Variants in TRPM3 observed in about 807,000 individuals in gnomAD.
TRPM3 encodes long transient receptor potential channel 3.
Under a neutral mutation model 181.2 loss-of-function variants are expected in TRPM3, and 77 were observed. That is an observed-to-expected ratio of 0.42 (90% CI 0.35 to 0.51). The LOEUF (loss-of-function observed/expected upper bound fraction) is 0.51, where lower values mean the gene tolerates loss of function less well. Among genes scored for constraint, TRPM3 ranks in the 20% least tolerant of loss-of-function variants. The probability of loss-of-function intolerance (pLI) is 0.01; values close to 1 mark genes in which losing one functional copy is unlikely to be tolerated. For missense variants in TRPM3, 1,759 were observed against 2,196.7 expected (o/e 0.80, Z 3.98); for synonymous variants, 745 against 796.4 (o/e 0.94, Z 1.09).
chr9:70,610,777 A>C (rs1306502826), intron 18 of TRPM3, 28 bp from the exon 19 acceptor site: 1 of 1,613,218 alleles, frequency 6.2e-7, no homozygotes, highest in East Asian at 2.2e-5. Context: ...CGATACCATC[A>C]TGACAGGGCT....
chr9:70,841,978 A>T (rs1482869567), intron 5 of TRPM3, among the ~76,000 whole-genome samples: 6 of 151,958 alleles, frequency 3.9e-5, no homozygotes, highest in Admixed American at 3.9e-4. Context: ...TACGATGTTC[A>T]CTATTCAGGT....
At chr9:70,584,776 C>T (rs2056757346) in intron 22 of TRPM3, among the ~76,000 whole-genome samples, 1 of 152,196 alleles carries the variant, frequency 6.6e-6, no homozygotes, top group South Asian at 2.1e-4. Flanking sequence ...TCATCTTACA[C>T]CTCACAATGT....
chr9:71,330,320 T>G (rs2090019853), intron 1 of TRPM3, among the ~76,000 whole-genome samples: 1 of 151,916 alleles, frequency 6.6e-6, no homozygotes, highest in Non-Finnish European at 1.5e-5. Flanking sequence ...CAAAAAGTTT[T>G]CAGTTCTGTG....
At chr9:70,974,658 G>A (rs1171453531) in intron 1 of TRPM3, among the ~76,000 whole-genome samples, 1 of 151,470 alleles carries the variant, frequency 6.6e-6, no homozygotes, top group African/African-American at 2.4e-5. Context: ...GAACCCAGGA[G>A]GCGGGGTTTG....
intron 1 of TRPM3, among the ~76,000 whole-genome samples, chr9:70,912,447 C>T (rs2096547921): frequency 6.6e-6 from 1 of 152,198 alleles, no homozygotes; most frequent in South Asian, 2.1e-4. Context: ...TTCTGAGTAG[C>T]TGCCTCATGG....
At chr9:70,827,692 GC>G in intron 6 of TRPM3, 154 bp downstream of exon 6, 1 of 832,192 alleles carries the variant, frequency 1.2e-6, no homozygotes, top group Non-Finnish European at 1.8e-6. Flanking sequence ...CCTCTGGATG[GC>G]TTCCTCTCAT....
At chr9:70,554,782 C>T (rs2047251685) in intron 22 of TRPM3, among the ~76,000 whole-genome samples, 1 of 152,208 alleles carries the variant, frequency 6.6e-6, no homozygotes, top group Admixed American at 6.5e-5. Flanking sequence ...AACATTAGGA[C>T]ACCAAGACCT....
At chr9:70,674,492 ACT>A (rs1253259282) in intron 9 of TRPM3, among the ~76,000 whole-genome samples, 1 of 152,152 alleles carries the variant, frequency 6.6e-6, no homozygotes, top group Non-Finnish European at 1.5e-5. Context: ...GGTGATAGTA[ACT>A]CTGCATTTTC....
At chr9:70,900,014 G>T (rs996294030) in intron 1 of TRPM3, among the ~76,000 whole-genome samples, 6 of 152,046 alleles carry the variant, frequency 3.9e-5, no homozygotes, top group African/African-American at 1.4e-4. Context: ...TCCTTCTTGG[G>T]CAGAAGAAAC....
At position 71,121,213 on chromosome 9, in the gene TRPM3, G is replaced by C; in HGVS notation, c.142C>G (p.His48Asp). ...CTGACAGATGGAAGAAAGGCTGCGT[G>C]GCACAGCTTCCGGATGGTCCAGTTT... is the stretch of plus-strand genomic sequence containing the variant. ...PLNWTIRKLC[H>D]AAFLPSVRLL... is the part of the protein sequence containing the mutation. Residue 48 changes from histidine to aspartate, a missense_variant, in exon 1 of 26, where the codon CAC becomes GAC. By Grantham distance (81) the His-to-Asp change is moderately conservative. Around this residue, in one of 8 missense-constraint regions of TRPM3, gnomAD observed 737 missense variants for 957.4 expected, o/e 0.77. Transcript: ENST00000677713. The C allele has an allele frequency of 6.2e-7, 1 of 1,614,050 alleles. No individual in the cohort carries two copies.
chr9:70,535,242 A>G lies in TRPM3; in HGVS notation c.*711T>C, dbSNP rs1378055195. 1 of 657,104 alleles carries G rather than the reference A, an allele frequency of 1.5e-6. No individual in the cohort carries two copies. The highest frequency in any genetic ancestry group is 2.8e-5 in the East Asian group (1 of 36,128). The allele number at this position is 657,104 out of a possible 1,614,324, so 40.7% of individuals were successfully genotyped here. ...CAACTCTTCTTTCATTTCGATTGCA[A>G]TACAAAAAGGCATTTCTGTTCCCTT... On this transcript the variant is annotated 3_prime_UTR_variant, in exon 26 of 26. Transcript: ENST00000677713.
chr9:71,215,915 C>G (rs10125889), intron 1 of TRPM3, among the ~76,000 whole-genome samples: 65,266 of 152,022 alleles, frequency 0.43, 14,415 homozygotes, highest in East Asian at 0.52. Flanking sequence ...CAATCCATGG[C>G]AATGTCTGCC....
intron 1 of TRPM3, among the ~76,000 whole-genome samples, chr9:70,921,963 A>G (rs1165375158): frequency 6.6e-6 from 1 of 151,782 alleles, no homozygotes; most frequent in Non-Finnish European, 1.5e-5. Context: ...ACACACACAC[A>G]CACACACACA....
chr9:71,268,285 C>T (rs2083529983), intron 1 of TRPM3, among the ~76,000 whole-genome samples: 1 of 151,910 alleles, frequency 6.6e-6, no homozygotes, highest in Non-Finnish European at 1.5e-5. Flanking sequence ...GAGGCTGAGG[C>T]AGGAGAATCA....
At position 70,629,813 on chromosome 9, in the gene TRPM3, G is replaced by A. The variant is rs1292103688; in HGVS notation, c.1633-4296C>T. On this transcript the variant is annotated intron_variant, in intron 12 of 25. Transcript: ENST00000677713. Reference sequence around the variant, plus strand: ...CAGCCTGCAAGGCTGGATCTCATCTGTTTCTTCACAGAGATTTTAGGGAGC... The same window carrying A: ...CAGCCTGCAAGGCTGGATCTCATCTATTTCTTCACAGAGATTTTAGGGAGC... Among the ~76,000 whole-genome samples the A allele has an allele frequency of 5.3e-5, 8 of 152,302 alleles. No homozygotes were observed. In the East Asian group the frequency reaches 1.5e-3, roughly 29 times the overall value.
chr9:70,611,085 C>T (rs2061929992), intron 18 of TRPM3, among the ~76,000 whole-genome samples: 1 of 152,154 alleles, frequency 6.6e-6, no homozygotes, highest in Non-Finnish European at 1.5e-5. Flanking sequence ...GGAATCTATT[C>T]TTCCTCCCCA....
intron 1 of TRPM3, among the ~76,000 whole-genome samples, chr9:71,244,360 C>G (rs2081910419): frequency 2.0e-5 from 3 of 152,232 alleles, no homozygotes; most frequent in Admixed American, 1.3e-4. Flanking sequence ...ATAATTTGAG[C>G]CTCAAATGAG....
At chr9:71,228,932 A>G (rs2080869387) in intron 1 of TRPM3, among the ~76,000 whole-genome samples, 1 of 152,174 alleles carries the variant, frequency 6.6e-6, no homozygotes. Flanking sequence ...CTATAAAAAT[A>G]CCAATGACAT....
chr9:70,796,760 T>G (rs150968734), intron 6 of TRPM3, among the ~76,000 whole-genome samples: 3 of 152,184 alleles, frequency 2.0e-5, no homozygotes, highest in Admixed American at 6.5e-5. Context: ...CTCTATTAGG[T>G]ATTTATTTCT....
Sources: allele counts gnomAD v4.1 joint callset (sites outside exome capture counted in the v4.1 genomes callset), GRCh38; gene constraint gnomAD v4.1.1; regional missense constraint gnomAD v4.1.1; transcripts MANE v1.5; gene names NCBI Gene and HGNC (gene_info 2026-07-23, HGNC 2026-07-21).